Variants in IGBP1 observed in about 807,000 individuals in gnomAD.
IGBP1 encodes the protein immunoglobulin-binding protein 1.
Under a neutral mutation model 25.9 loss-of-function variants are expected in IGBP1, and 2 were observed. The ratio of observed to expected loss-of-function variants is 0.08; its 90% CI spans 0.03 to 0.24. The LOEUF is 0.24. Ranked by LOEUF, IGBP1 falls within the 10% of genes least tolerant of loss-of-function variation. IGBP1 has a pLI of 1.00. For synonymous variants in IGBP1, 96 were observed against 93.4 expected (o/e 1.03, Z -0.16); for missense variants, 187 against 260.4 (o/e 0.72, Z 1.94).
At chrX:70,165,170 C>T (rs768661953) in intron 6 of IGBP1, 2 of 112,225 alleles carry the variant, frequency 1.8e-5, no homozygotes, top group Admixed American at 9.5e-5. Context: ...GAAAATGCTG[C>T]TTTACCTCAC....
chrX:70,157,159 G>A (rs2085246270), intron 6 of IGBP1, among the ~76,000 whole-genome samples: 2 of 110,072 alleles, frequency 1.8e-5, no homozygotes, highest in Non-Finnish European at 3.8e-5. Context: ...CAGAATTTAT[G>A]GGATACAACT....
chrX:70,151,479 T>C (rs1458521798), intron 6 of IGBP1, among the ~76,000 whole-genome samples: 1 of 111,742 alleles, frequency 8.9e-6, no homozygotes, highest in East Asian at 2.8e-4. Flanking sequence ...CTCAGCTTCA[T>C]TTGATCCTCT....
chrX:70,155,742 A>G (rs2085236397), intron 6 of IGBP1, among the ~76,000 whole-genome samples: 1 of 111,455 alleles, frequency 9.0e-6, no homozygotes, highest in South Asian at 3.8e-4. Context: ...CTCAACCTCT[A>G]CCATGCTAAC....
At chrX:70,134,935 C>T (rs1383675312) in intron 3 of IGBP1, 119 bp downstream of exon 3, 8 of 706,327 alleles carry the variant, frequency 1.1e-5, no homozygotes, top group Non-Finnish European at 1.8e-5. Flanking sequence ...TCTTATTGAG[C>T]ATAGGCCCTA....
chrX:70,150,146 G>T, intron 5 of IGBP1, 64 bp from the exon 6 acceptor site: 1 of 653,256 alleles, frequency 1.5e-6, no homozygotes, highest in African/African-American at 2.1e-5. Context: ...TGTAGTACTG[G>T]GTTTTTTTTG....
chrX:70,158,813 C>T (rs926401757), intron 6 of IGBP1, among the ~76,000 whole-genome samples: 2 of 111,708 alleles, frequency 1.8e-5, no homozygotes, highest in African/African-American at 3.3e-5. Flanking sequence ...CACTGCACTC[C>T]AGCCTGGCAA....
intron 6 of IGBP1, among the ~76,000 whole-genome samples, chrX:70,155,588 G>A: frequency 9.0e-6 from 1 of 110,668 alleles, no homozygotes; most frequent in Non-Finnish European, 1.9e-5. Flanking sequence ...ACTTCTTAAG[G>A]CTAATGTGAT....
intron 6 of IGBP1, among the ~76,000 whole-genome samples, chrX:70,152,595 C>A (rs1197463911): frequency 8.9e-6 from 1 of 111,873 alleles, no homozygotes; most frequent in Non-Finnish European, 1.9e-5. Context: ...TTATTTTTAT[C>A]CTCAAGGGCA....
At chrX:70,145,902 TC>T (rs1424150538) in intron 3 of IGBP1, among the ~76,000 whole-genome samples, 1 of 112,401 alleles carries the variant, frequency 8.9e-6, no homozygotes, top group African/African-American at 3.2e-5. Flanking sequence ...TACTTTTTGC[TC>T]TTTCATAGCA....
chrX:70,143,743 T>G (rs2085147305), intron 3 of IGBP1, among the ~76,000 whole-genome samples: 1 of 103,653 alleles, frequency 9.6e-6, no homozygotes, highest in African/African-American at 3.4e-5. Context: ...GGGGGGCGGG[T>G]GTTGACAGCC....
chrX:70,165,039 C>A (rs1214896523), intron 6 of IGBP1: 1 of 111,198 alleles, frequency 9.0e-6, no homozygotes, highest in Non-Finnish European at 1.9e-5. Flanking sequence ...CCAGCCTAGG[C>A]AACAGAGAGA....
At chrX:70,138,907 G>A (rs1002179447) in intron 3 of IGBP1, among the ~76,000 whole-genome samples, 24 of 112,106 alleles carry the variant, frequency 2.1e-4, no homozygotes, top group African/African-American at 5.8e-4. Flanking sequence ...TTCTAGAGCC[G>A]GTGACTGGGT....
chrX:70,154,815 T>G (rs2085229184), intron 6 of IGBP1, among the ~76,000 whole-genome samples: 1 of 106,913 alleles, frequency 9.4e-6, no homozygotes, highest in Non-Finnish European at 1.9e-5. Context: ...GAGGATTGCT[T>G]GAGCCTGTGA....
intron 6 of IGBP1, among the ~76,000 whole-genome samples, chrX:70,153,524 G>A (rs1266354604): frequency 8.9e-6 from 1 of 112,481 alleles, no homozygotes. Flanking sequence ...GACAGCCATC[G>A]CAAAAAGGAC....
intron 6 of IGBP1, among the ~76,000 whole-genome samples, chrX:70,155,301 C>T (rs1473921072): frequency 9.0e-6 from 1 of 111,019 alleles, no homozygotes. Context: ...TCAAGACCAG[C>T]ATGACCAACA....
chrX:70,152,492 G>A (rs1397697325), intron 6 of IGBP1, among the ~76,000 whole-genome samples: 1 of 111,637 alleles, frequency 9.0e-6, no homozygotes, highest in African/African-American at 3.3e-5. Context: ...AGGAAAATGT[G>A]ACTCATAACT....
chrX:70,162,677 A>G (rs1439017949), intron 6 of IGBP1, among the ~76,000 whole-genome samples: 1 of 112,358 alleles, frequency 8.9e-6, no homozygotes, highest in East Asian at 2.8e-4. Flanking sequence ...ATAGTTTTTT[A>G]AAACAATAAT....
chrX:70,156,287 TAAAAAAAA>T (rs202174045), intron 6 of IGBP1, among the ~76,000 whole-genome samples: 2 of 74,294 alleles, frequency 2.7e-5, no homozygotes, highest in African/African-American at 4.6e-5. Context: ...TTCAATTTGT[TAAAAAAAA>T]AAAAAAAAAA....
At chrX:70,152,271 T>G (rs1323749580) in intron 6 of IGBP1, among the ~76,000 whole-genome samples, 2 of 111,843 alleles carry the variant, frequency 1.8e-5, no homozygotes, top group Non-Finnish European at 3.8e-5. Flanking sequence ...GCACCTCAAC[T>G]AAGGCTAAAA....
Sources: allele counts gnomAD v4.1 joint callset (sites outside exome capture counted in the v4.1 genomes callset), GRCh38; gene constraint gnomAD v4.1.1; transcripts MANE v1.5; gene names NCBI Gene and HGNC (gene_info 2026-07-23, HGNC 2026-07-21).